SOX6: variants seen among roughly 807,000 people sequenced by gnomAD.
SOX6 encodes the protein SRY-box transcription factor 6, also known as transcription factor SOX-6.
A neutral mutation model predicts 97.8 loss-of-function variants in SOX6; 11 were observed. The observed-to-expected ratio is 0.11, with a 90% CI of 0.07 to 0.19. The LOEUF (loss-of-function observed/expected upper bound fraction) is 0.19, where lower values mean the gene tolerates loss of function less well. SOX6 is among the 10% of genes least tolerant of loss of function. The pLI is 1.00. For missense variants in SOX6, 810 were observed against 1,039.5 expected (o/e 0.78, Z 3.04); for synonymous variants, 360 against 371.4 (o/e 0.97, Z 0.35).
chr11:16,239,136 T>C (rs1177836986), intron 3 of SOX6, among the ~76,000 whole-genome samples: 1 of 152,018 alleles, frequency 6.6e-6, no homozygotes, highest in Non-Finnish European at 1.5e-5. Context: ...TGCTCCACAA[T>C]ACAGTGGGAT....
intron 12 of SOX6, among the ~76,000 whole-genome samples, chr11:16,040,103 G>C (rs149742069): frequency 7.9e-5 from 12 of 151,886 alleles, no homozygotes; most frequent in African/African-American, 2.9e-4. Context: ...TGAATATATC[G>C]AATTTTAGCC....
intron 4 of SOX6, among the ~76,000 whole-genome samples, chr11:16,602,542 T>C (rs1403928463): frequency 6.6e-6 from 1 of 152,210 alleles, no homozygotes; most frequent in African/African-American, 2.4e-5. Context: ...CTACTGCCCA[T>C]GTGCTCACAT....
At chr11:16,170,607 GGT>G (rs1234582316) in intron 6 of SOX6, among the ~76,000 whole-genome samples, 1 of 151,928 alleles carries the variant, frequency 6.6e-6, no homozygotes, top group African/African-American at 2.4e-5. Context: ...AAACTGAAAT[GGT>G]TAAGGACCCG....
At chr11:16,021,717 A>C (rs563152247) in intron 12 of SOX6, among the ~76,000 whole-genome samples, 2 of 152,070 alleles carry the variant, frequency 1.3e-5, no homozygotes, top group Non-Finnish European at 2.9e-5. Context: ...TACATTTTTA[A>C]CACCAAAATT....
intron 7 of SOX6, among the ~76,000 whole-genome samples, chr11:16,108,862 G>A (rs1490231280): frequency 1.3e-5 from 2 of 152,102 alleles, no homozygotes; most frequent in Non-Finnish European, 2.9e-5. Context: ...AACCCTAAAT[G>A]TATTTGCTTA....
intron 3 of SOX6, among the ~76,000 whole-genome samples, chr11:16,635,644 A>G (rs1014330507): frequency 3.3e-5 from 5 of 152,206 alleles, no homozygotes; most frequent in African/African-American, 9.6e-5. Flanking sequence ...AATCACCAAG[A>G]CAATGCAGAA....
At chr11:16,674,087 G>C (rs1369875654) in intron 3 of SOX6, among the ~76,000 whole-genome samples, 1 of 150,562 alleles carries the variant, frequency 6.6e-6, no homozygotes, top group Non-Finnish European at 1.5e-5. Context: ...CTACTCGGAA[G>C]GCTGAGGCAG....
intron 3 of SOX6, among the ~76,000 whole-genome samples, chr11:16,285,826 A>G (rs527531518): frequency 1.3e-5 from 2 of 152,264 alleles, no homozygotes; most frequent in South Asian, 4.1e-4. Context: ...TGGCAGGAAA[A>G]CCACCTAAAG....
chr11:16,304,660 G>A (rs779581008), intron 3 of SOX6, among the ~76,000 whole-genome samples: 9 of 152,196 alleles, frequency 5.9e-5, no homozygotes, highest in Non-Finnish European at 1.3e-4. Context: ...ATAGAAATGT[G>A]AATGATTTTT....
intron 9 of SOX6, 32 bp downstream of exon 9, chr11:16,095,964 A>G (rs1352345506): frequency 6.2e-7 from 1 of 1,607,730 alleles, no homozygotes; most frequent in Non-Finnish European, 8.5e-7. Context: ...CCAGTCCCCA[A>G]CCCAATGAAG....
chr11:16,272,354 A>G (rs1405109873), intron 3 of SOX6, among the ~76,000 whole-genome samples: 1 of 151,692 alleles, frequency 6.6e-6, no homozygotes, highest in African/African-American at 2.4e-5. Context: ...AAATCCATAA[A>G]TAATTTCTGT....
intron 13 of SOX6, among the ~76,000 whole-genome samples, chr11:16,001,919 T>G (rs1266525488): frequency 6.6e-6 from 1 of 152,166 alleles, no homozygotes. Context: ...TAAGGTCAGC[T>G]CTGAGGAAAC....
At chr11:16,499,272 C>T (rs1181050469) in intron 4 of SOX6, among the ~76,000 whole-genome samples, 2 of 152,010 alleles carry the variant, frequency 1.3e-5, no homozygotes, top group African/African-American at 2.4e-5. Context: ...AGAACAAAGA[C>T]ACAACATACC....
At chr11:16,195,156 A>G (rs1851738134) in intron 4 of SOX6, among the ~76,000 whole-genome samples, 1 of 152,238 alleles carries the variant, frequency 6.6e-6, no homozygotes, top group Non-Finnish European at 1.5e-5. Flanking sequence ...CTTTATTAAC[A>G]AGGCATTTTC....
intron 3 of SOX6, among the ~76,000 whole-genome samples, chr11:16,625,885 T>C (rs1404657289): frequency 6.6e-6 from 1 of 152,210 alleles, no homozygotes; most frequent in East Asian, 1.9e-4. Context: ...AGTAATCTAG[T>C]AAGTAAACTA....
chr11:16,068,929 T>G (rs1241192902), intron 9 of SOX6, among the ~76,000 whole-genome samples: 1 of 152,242 alleles, frequency 6.6e-6, no homozygotes, highest in East Asian at 1.9e-4. Flanking sequence ...TTTATCTTTA[T>G]GTCCCTAGCA....
At chr11:16,671,248 C>T (rs1448932406) in intron 3 of SOX6, among the ~76,000 whole-genome samples, 1 of 152,126 alleles carries the variant, frequency 6.6e-6, no homozygotes, top group Non-Finnish European at 1.5e-5. Context: ...TGTCATATGA[C>T]CTCCAAATGA....
chr11:16,541,910 T>A (rs11023982), intron 4 of SOX6, among the ~76,000 whole-genome samples: 33,289 of 152,140 alleles, frequency 0.22, 4,700 homozygotes, highest in Non-Finnish European at 0.3. Flanking sequence ...GTGTGACGAT[T>A]CCTCAAGGAT....
At chr11:16,233,695 AT>A (rs1852926125) in intron 4 of SOX6, among the ~76,000 whole-genome samples, 1 of 152,070 alleles carries the variant, frequency 6.6e-6, no homozygotes, top group South Asian at 2.1e-4. Flanking sequence ...TATTATCCTC[AT>A]TTTATAGATG....
Sources: allele counts gnomAD v4.1 joint callset (sites outside exome capture counted in the v4.1 genomes callset), GRCh38; gene constraint gnomAD v4.1.1; transcripts MANE v1.5; gene names NCBI Gene and HGNC (gene_info 2026-07-23, HGNC 2026-07-21).